The following SLC12A6 variants were observed in gnomAD, a reference collection of about 807,000 sequenced individuals.
The protein encoded by SLC12A6 is solute carrier family 12 member 6, also known as K-Cl cotransporter 3.
SLC12A6 carries 66 observed loss-of-function variants against 135.3 expected under a neutral mutation model. The observed-to-expected ratio is 0.49, with a 90% CI of 0.40 to 0.60. The LOEUF (loss-of-function observed/expected upper bound fraction) is 0.60, where lower values mean the gene tolerates loss of function less well. Among genes scored for constraint, SLC12A6 ranks in the 20% least tolerant of loss-of-function variants. The pLI, the probability that SLC12A6 is intolerant of heterozygous loss-of-function variation, is 0.00. For synonymous variants in SLC12A6, 513 were observed against 508.8 expected, an observed-to-expected ratio of 1.01 and a Z score of -0.11; for missense variants, 1,058 against 1,452.3, an observed-to-expected ratio of 0.73 and a Z score of 4.41.
At chr15:34,335,039 T>C (rs1200055299) in intron 2 of SLC12A6, among the ~76,000 whole-genome samples, 3 of 152,186 alleles carry the variant, frequency 2.0e-5, no homozygotes, top group South Asian at 2.1e-4. Flanking sequence ...TGGTATAGTC[T>C]TTACCTGGAA....
rs1220155222 is a variant in SLC12A6, at chr15:34,252,164, A to G, written c.1333+6T>C. 1.4e-6 allele frequency: 2 copies of G among 1,472,516 alleles called. No homozygotes were observed. Among genetic ancestry groups the G allele is most frequent in the African/African-American group, 2.8e-5 (2 of 72,106 alleles). 91.2% of individuals were successfully genotyped at this position (1,472,516 alleles called of 1,614,324 possible). On this transcript the variant is annotated splice_donor_region_variant and intron_variant, in intron 10 of 25. Transcript: ENST00000354181. ...AAAAAACTTGTCCAATAACTCCCTA[A>G]CTTACCTGTAATTATACCACTAGCC...
intron 2 of SLC12A6, among the ~76,000 whole-genome samples, chr15:34,308,738 T>G (rs528221770): frequency 6.6e-6 from 1 of 151,808 alleles, no homozygotes; most frequent in African/African-American, 2.4e-5. Flanking sequence ...GTAAATACTC[T>G]ATGCGAAATA....
chr15:34,312,263 TC>T (rs765134402), intron 2 of SLC12A6, among the ~76,000 whole-genome samples: 4 of 152,198 alleles, frequency 2.6e-5, no homozygotes, highest in Admixed American at 6.6e-5. Flanking sequence ...TTGGTGGGGA[TC>T]CTCCCGTACA....
In SLC12A6 at chr15:34,242,463, T is replaced by A. The variant is rs111415006; in HGVS notation, c.2043-242A>T. On this transcript the variant is annotated intron_variant, in intron 16 of 25. Transcript: ENST00000354181. ...TAAATGATTATTCTCAATTCTATAG[T>A]TGTCTTATCATGAAACAGTCGGTAG... 5.0e-3 allele frequency among the ~76,000 whole-genome samples: 768 copies of A among 152,286 alleles called. 2 individuals carry two copies. Among genetic ancestry groups the A allele is most frequent in the Middle Eastern group, 0.01 (3 of 292 alleles).
chr15:34,292,536 G>C (rs1268971450), intron 2 of SLC12A6, among the ~76,000 whole-genome samples: 1 of 152,184 alleles, frequency 6.6e-6, no homozygotes, highest in Non-Finnish European at 1.5e-5. Flanking sequence ...CTGTCCAGGA[G>C]GGACGTTTAA....
At chr15:34,332,953 C>T (rs1167815104) in intron 2 of SLC12A6, among the ~76,000 whole-genome samples, 1 of 152,114 alleles carries the variant, frequency 6.6e-6, no homozygotes, top group African/African-American at 2.4e-5. Flanking sequence ...GAACTTCAGT[C>T]TTGGCTTTGC....
intron 2 of SLC12A6, among the ~76,000 whole-genome samples, chr15:34,287,625 C>G (rs1393573785): frequency 6.6e-6 from 1 of 152,182 alleles, no homozygotes; most frequent in Non-Finnish European, 1.5e-5. Context: ...TTTCCCACAA[C>G]CTCTCCAGCA....
intron 3 of SLC12A6, among the ~76,000 whole-genome samples, chr15:34,274,306 T>C (rs988050508): frequency 7.2e-5 from 11 of 152,200 alleles, no homozygotes; most frequent in Admixed American, 1.3e-4. Flanking sequence ...AAGGAAAAGA[T>C]AGTCATATAT....
chr15:34,307,076 T>C (rs1190759877), intron 2 of SLC12A6, among the ~76,000 whole-genome samples: 2 of 152,228 alleles, frequency 1.3e-5, no homozygotes, highest in Admixed American at 6.5e-5. Flanking sequence ...ATGTTCACTA[T>C]CTTCATTATA....
At chr15:34,311,504 A>C (rs1888254695) in intron 2 of SLC12A6, among the ~76,000 whole-genome samples, 1 of 152,210 alleles carries the variant, frequency 6.6e-6, no homozygotes, top group South Asian at 2.1e-4. Flanking sequence ...TCTGTGGCTC[A>C]GGCACATTAA....
chr15:34,273,404 C>A (rs2140878809), intron 3 of SLC12A6, among the ~76,000 whole-genome samples: 1 of 152,224 alleles, frequency 6.6e-6, no homozygotes, highest in East Asian at 1.9e-4. Flanking sequence ...ACGGTCAGGA[C>A]CTTGGTGATC....
intron 2 of SLC12A6, among the ~76,000 whole-genome samples, chr15:34,331,691 G>A (rs1169258418): frequency 6.6e-6 from 1 of 152,028 alleles, no homozygotes; most frequent in African/African-American, 2.4e-5. Flanking sequence ...AGTTGAGAAA[G>A]ATAATATGTA....
rs932327964 is a variant in SLC12A6, at chr15:34,259,124, G to C, written c.412-180C>G. On this transcript the variant is annotated intron_variant, in intron 4 of 25. Coordinates refer to ENST00000354181, the MANE Select transcript of SLC12A6 (RefSeq NM_001365088.1). ...GGAGGCCAAGGTGGCTGGATCACCT[G>C]AGGCTGGGAGTTTGAGACCAGCCTG... 3.9e-5 allele frequency among the ~76,000 whole-genome samples: 6 copies of C among 152,308 alleles called. No homozygotes were observed. In the East Asian group the frequency reaches 9.7e-4, roughly 25 times the overall value.
At chr15:34,248,117 T>G (rs563510296) in intron 13 of SLC12A6, among the ~76,000 whole-genome samples, 9 of 152,310 alleles carry the variant, frequency 5.9e-5, no homozygotes, top group South Asian at 2.1e-4. Context: ...TGAATTTTTT[T>G]GGGGGGAGGT....
chr15:34,318,479 G>C, intron 2 of SLC12A6: 2 of 1,073,216 alleles, frequency 1.9e-6, no homozygotes, highest in South Asian at 2.5e-5. Context: ...TCCTAAAGAA[G>C]GCATTTTGAA....
In SLC12A6 at chr15:34,254,499, T is replaced by C. The variant is rs765654724; in HGVS notation, c.967A>G (p.Thr323Ala). The C allele has an allele frequency of 6.2e-7, 1 of 1,613,764 alleles. No homozygotes were observed. Among genetic ancestry groups the C allele is most frequent in the Admixed American group, 1.7e-5 (1 of 60,012 alleles). Residue 323 changes from threonine (T) to alanine (A), a missense_variant, in exon 9 of 26, where the codon ACA becomes GCA. Physicochemically the swap from Thr to Ala is moderately conservative, Grantham distance 58. Coordinates refer to ENST00000354181, the MANE Select transcript of SLC12A6 (RefSeq NM_001365088.1). ...AMLNNMRVYG[T>A]AFLVLMVLVV... ...AATACCATAAGGACCAAGAAAGCTG[T>C]GCCGTAGACACGCATGTTATTTAGC...
chr15:34,236,964 C>T, intron 22 of SLC12A6, 149 bp from the exon 23 acceptor site: 1 of 672,352 alleles, frequency 1.5e-6, no homozygotes, highest in Non-Finnish European at 2.7e-6. Flanking sequence ...AGTCATTGAG[C>T]TACATAAATG....
intron 3 of SLC12A6, among the ~76,000 whole-genome samples, chr15:34,269,411 A>G (rs1893756339): frequency 6.6e-6 from 1 of 152,062 alleles, no homozygotes; most frequent in Non-Finnish European, 1.5e-5. Flanking sequence ...GTCAATTACC[A>G]CTTATACTAT....
In SLC12A6 at chr15:34,242,132, C is replaced by A. The variant is rs369367800; in HGVS notation, c.2132G>T (p.Gly711Val). ...YYAIVAMVIA[G>V]MIYKYIEYQG... ...GTATTCAATGTACTTGTAGATCATA[C>A]CAGCTATTACCATGGCTACAATGGC... The change falls in exon 17 of 26, where the codon GGT (glycine) becomes GTT (valine). Residue 711 changes from glycine (G) to valine (V), a missense_variant. Gly to Val is a moderately radical substitution (Grantham distance 109). Around this residue, in one of 6 missense-constraint regions of SLC12A6, gnomAD observed 170 missense variants for 297.6 expected, o/e 0.57. Transcript: ENST00000354181. 8 of 1,592,224 alleles carry A rather than the reference C, an allele frequency of 5.0e-6. No individual in the cohort carries two copies. The highest frequency in any genetic ancestry group is 1.3e-5 in the African/African-American group (1 of 74,548).
Sources: gnomAD v4.1 joint callset for allele counts (sites outside exome capture counted in the v4.1 genomes callset) on GRCh38, gnomAD v4.1.1 for gene constraint, gnomAD v4.1.1 regional missense constraint, MANE v1.5 for transcripts, NCBI Gene and HGNC (gene_info 2026-07-23, HGNC 2026-07-21) for gene names.